The following AHR variants were observed in gnomAD, a reference collection of about 807,000 sequenced individuals.
The protein encoded by AHR is aryl hydrocarbon receptor.
In AHR, 40 loss-of-function variants were observed where a neutral mutation model predicts 86.8. That is an observed-to-expected ratio of 0.46 (90% CI 0.36 to 0.60). The LOEUF (loss-of-function observed/expected upper bound fraction) is 0.60, where lower values mean the gene tolerates loss of function less well. AHR is among the 20% of genes least tolerant of loss of function. The pLI is 0.00. For synonymous variants in AHR, 398 were observed against 354.9 expected, an observed-to-expected ratio of 1.12 and a Z score of -1.37; for missense variants, 1,001 against 1,011.6, an observed-to-expected ratio of 0.99 and a Z score of 0.14.
intron 2 of AHR, among the ~76,000 whole-genome samples, chr7:17,310,559 A>G (rs1177794342): frequency 2.6e-4 from 38 of 147,064 alleles, no homozygotes. Context: ...TTTGAGGCAG[A>G]CTTTTGCTCT....
chr7:17,327,417 A>T (rs947119624), intron 3 of AHR, among the ~76,000 whole-genome samples: 2 of 152,000 alleles, frequency 1.3e-5, no homozygotes, highest in South Asian at 4.1e-4. Context: ...CCCTCTAAAA[A>T]AAAGCAGTGT....
chr7:17,309,688 A>C (rs1412588661), intron 1 of AHR, among the ~76,000 whole-genome samples: 1 of 152,230 alleles, frequency 6.6e-6, no homozygotes, highest in African/African-American at 2.4e-5. Context: ...CAAATGCTTG[A>C]AGTATAAGCA....
rs1781924281 is a variant in AHR, at chr7:17,299,089, G to T, written c.-176G>T. On this transcript the variant is annotated 5_prime_UTR_variant, in exon 1 of 11. Coordinates refer to ENST00000242057, the MANE Select transcript of AHR (RefSeq NM_001621.5). The stretch of plus-strand genomic sequence containing the variant: ...ACTGGCGCGGGCTGCGGAAGCCTGC[G>T]TGAGCCGAGGCGTTGAGGCGCGGCG... 10 of 621,732 alleles carry T rather than the reference G, an allele frequency of 1.6e-5. No homozygotes were observed. The highest frequency in any genetic ancestry group is 2.0e-5 in the Non-Finnish European group (8 of 390,360). The allele number at this position is 621,732 out of a possible 1,614,324, so 38.5% of individuals were successfully genotyped here.
rs200831347 is a variant in AHR, at chr7:17,339,987, T to C, written c.2162T>C (p.Met721Thr). Residue 721 changes from methionine (M) to threonine (T), a missense_variant, in exon 10 of 11, where the codon ATG becomes ACG. Around this residue, in one of 2 missense-constraint regions of AHR, gnomAD observed 607 missense variants for 543.1 expected, o/e 1.12. Transcript: ENST00000242057. ...AAATGTACAGAGCTGGACTACCCTATGGGGAGTTTTGAACCATCCCCATAC... is the reference window on the plus strand; with the variant it reads ...AAATGTACAGAGCTGGACTACCCTACGGGGAGTTTTGAACCATCCCCATAC... ...HSKCTELDYPMGSFEPSPYPT... is the reference protein window; with the variant it reads ...HSKCTELDYPTGSFEPSPYPT... 6.2e-7 allele frequency: 1 copy of C among 1,614,238 alleles called. No individual in the cohort carries two copies. The highest frequency in any genetic ancestry group is 2.2e-5 in the East Asian group (1 of 44,886).
chr7:17,342,786 T>G (rs140124938), intron 10 of AHR, 135 bp from the exon 11 acceptor site: 12 of 778,074 alleles, frequency 1.5e-5, no homozygotes, highest in African/African-American at 1.4e-4. Context: ...GATTTAAAAT[T>G]TAGCAACAGT....
chr7:17,310,298 T>C lies in AHR; in HGVS notation c.253+175T>C, dbSNP rs60820317. 4.8e-3 allele frequency among the ~76,000 whole-genome samples: 725 copies of C among 152,310 alleles called. 11 individuals are homozygous for C. The highest frequency in any genetic ancestry group is 0.029 in the South Asian group (142 of 4,826). On this transcript the variant is annotated intron_variant, in intron 2 of 10. Transcript: ENST00000242057. ...ATAAGTCTTAAAATCAATTTTCCAGTTTTATTCACCCAACAGATGCAGCCA... is the reference window on the plus strand; with the variant it reads ...ATAAGTCTTAAAATCAATTTTCCAGCTTTATTCACCCAACAGATGCAGCCA...
At chr7:17,304,826 T>C (rs901488020) in intron 1 of AHR, among the ~76,000 whole-genome samples, 2 of 152,108 alleles carry the variant, frequency 1.3e-5, no homozygotes, top group African/African-American at 2.4e-5. Context: ...AATTTAACAA[T>C]TAACTACCAC....
chr7:17,300,360 C>A (rs1781942337), intron 1 of AHR, among the ~76,000 whole-genome samples: 1 of 152,186 alleles, frequency 6.6e-6, no homozygotes, highest in South Asian at 2.1e-4. Flanking sequence ...AACTCTTAAA[C>A]GTCTTCTCAG....
intron 2 of AHR, among the ~76,000 whole-genome samples, chr7:17,317,193 T>A (rs1782124745): frequency 6.6e-6 from 1 of 151,704 alleles, no homozygotes; most frequent in Admixed American, 6.6e-5. Context: ...TCCCTTTGTT[T>A]AATTAATTTC....
chr7:17,341,758 A>G (rs1229164669), intron 10 of AHR, among the ~76,000 whole-genome samples: 2 of 152,192 alleles, frequency 1.3e-5, no homozygotes, highest in South Asian at 2.1e-4. Context: ...TTACAAAAGT[A>G]AAAAGAAACA....
chr7:17,322,665 TTAA>T (rs1199258864), intron 3 of AHR, 58 bp downstream of exon 3: 12 of 1,140,850 alleles, frequency 1.1e-5, no homozygotes, highest in Non-Finnish European at 1.4e-5. Flanking sequence ...GGAAAATGAA[TTAA>T]TAAGTCTTTT....
At chr7:17,338,146 C>G (rs1460714486) in intron 9 of AHR, among the ~76,000 whole-genome samples, 3 of 150,152 alleles carry the variant, frequency 2.0e-5, no homozygotes, top group Admixed American at 6.6e-5. Context: ...TTGCAGTGAG[C>G]CGAGATCGCG....
Position 17,334,845 on chromosome 7 carries a change from A to T in AHR, c.909-42A>T, listed in dbSNP as rs369808533. 162 of 1,378,970 alleles carry T rather than the reference A, an allele frequency of 1.2e-4. 1 individual carries two copies. Among genetic ancestry groups the T allele is most frequent in the Non-Finnish European group, 1.5e-4 (150 of 981,762 alleles). The allele number at this position is 1,378,970 out of a possible 1,614,324, so 85.4% of individuals were successfully genotyped here. The stretch of plus-strand genomic sequence containing the variant: ...ATCTTGGTTATTTCATTTATGTTAA[A>T]TCTTAATCCATTCTTATTTTACCTT... On this transcript the variant is annotated intron_variant, in intron 7 of 10. Transcript: ENST00000242057.
chr7:17,321,594 T>TATACACACACAC (rs71551782), intron 2 of AHR, among the ~76,000 whole-genome samples: 1 of 147,636 alleles, frequency 6.8e-6, no homozygotes, highest in Admixed American at 6.8e-5. Flanking sequence ...ACCACACACA[T>TATACACACACAC]ACACACACAC....
At chr7:17,323,364 T>C (rs751082870) in intron 3 of AHR, among the ~76,000 whole-genome samples, 19 of 152,308 alleles carry the variant, frequency 1.2e-4, no homozygotes, top group Non-Finnish European at 1.2e-4. Flanking sequence ...TTGTGACTTA[T>C]TAACATACTA....
At chr7:17,305,773 A>T (rs1447763806) in intron 1 of AHR, among the ~76,000 whole-genome samples, 1 of 152,188 alleles carries the variant, frequency 6.6e-6, no homozygotes, top group Non-Finnish European at 1.5e-5. Context: ...AGTTATATTT[A>T]TGAGTAAACT....
Position 17,339,449 on chromosome 7 carries a change from A to G in AHR, c.1624A>G (p.Ile542Val), listed in dbSNP as rs1426667272. The change falls in exon 10 of 11, where the codon ATA (isoleucine) becomes GTA (valine). Residue 542 changes from isoleucine (I) to valine (V), a missense_variant. This residue lies in a region of AHR where 607 missense variants were observed against 543.1 expected (regional missense o/e 1.12). Transcript: ENST00000242057. ...TAGTAAAAACAGTGACTTGTACAGC[A>G]TAATGAAAAACCTAGGCATTGATTT... ...QDSKNSDLYS[I>V]MKNLGIDFED... 2 of 1,614,222 alleles carry G rather than the reference A, an allele frequency of 1.2e-6. No homozygotes were observed. The highest frequency in any genetic ancestry group is 1.7e-6 in the Non-Finnish European group (2 of 1,180,036).
chr7:17,323,042 G>C (rs1782190740), intron 3 of AHR, among the ~76,000 whole-genome samples: 1 of 152,022 alleles, frequency 6.6e-6, no homozygotes. Context: ...TATGATGTTT[G>C]CATGATGATG....
chr7:17,330,758 G>A lies in AHR; in HGVS notation c.577G>A (p.Ala193Thr), dbSNP rs1418256292. Residue 193 changes from alanine (A) to threonine (T), a missense_variant and splice_region_variant, in exon 6 of 11, where the codon GCC becomes ACC. Physicochemically the swap from Ala to Thr is moderately conservative, Grantham distance 58 (BLOSUM62 0). Transcript: ENST00000242057. ...CTESGQGIEE[A>T]TGLPQTVVCY... ...TTGTTTTGCCTTTATTTCTACAGAA[G>A]CCACTGGTCTCCCCCAGACAGTAGT... 2 of 1,567,306 alleles carry A rather than the reference G, an allele frequency of 1.3e-6. No individual in the cohort carries two copies. Among genetic ancestry groups the A allele is most frequent in the Non-Finnish European group, 1.7e-6 (2 of 1,155,220 alleles).
Sources: gnomAD v4.1 joint callset for allele counts (sites outside exome capture counted in the v4.1 genomes callset) on GRCh38, gnomAD v4.1.1 for gene constraint, gnomAD v4.1.1 regional missense constraint, MANE v1.5 for transcripts, NCBI Gene and HGNC (gene_info 2026-07-23, HGNC 2026-07-21) for gene names.